The following ANHX variants were observed in gnomAD, a reference collection of about 807,000 sequenced individuals.
ANHX encodes anomalous homeobox, also known as anomalous homeobox protein.
A neutral mutation model predicts 38.9 loss-of-function variants in ANHX; 20 were observed. The ratio of observed to expected loss-of-function variants is 0.51; its 90% CI spans 0.36 to 0.75. The LOEUF is 0.75. Ranked by LOEUF, ANHX falls within the 30% of genes least tolerant of loss-of-function variation. ANHX has a pLI of 0.00. For synonymous variants in ANHX, 185 were observed against 203.1 expected (o/e 0.91, Z 0.76); for missense variants, 475 against 493.1 (o/e 0.96, Z 0.35).
intron 3 of ANHX, among the ~76,000 whole-genome samples, chr12:133,230,053 G>C (rs1957246977): frequency 6.6e-6 from 1 of 152,158 alleles, no homozygotes; most frequent in Non-Finnish European, 1.5e-5. Context: ...AGCCAACCTT[G>C]CACAGCCCTC....
intron 3 of ANHX, 59 bp downstream of exon 3, chr12:133,231,458 G>A: frequency 6.5e-7 from 1 of 1,530,930 alleles, no homozygotes; most frequent in South Asian, 1.2e-5. Flanking sequence ...GCTTTGCATG[G>A]TACATCTAAT....
At chr12:133,232,546 C>T (rs1957297068) in intron 2 of ANHX, among the ~76,000 whole-genome samples, 1 of 152,164 alleles carries the variant, frequency 6.6e-6, no homozygotes, top group Admixed American at 6.5e-5. Context: ...CTTCCCCCTG[C>T]CCTGACGTGG....
intron 3 of ANHX, among the ~76,000 whole-genome samples, chr12:133,230,223 G>T (rs1021534543): frequency 5.3e-5 from 8 of 152,222 alleles, no homozygotes; most frequent in African/African-American, 1.9e-4. Context: ...CAGGCAGGGG[G>T]TGCTTAACAA....
At chr12:133,233,586 C>T (rs975462042) in intron 2 of ANHX, among the ~76,000 whole-genome samples, 4 of 152,152 alleles carry the variant, frequency 2.6e-5, no homozygotes, top group African/African-American at 7.2e-5. Flanking sequence ...ATTTAGGCAG[C>T]AAAACGTACA....
chr12:133,227,747 G>C, intron 4 of ANHX, 77 bp downstream of exon 4: 1 of 1,499,730 alleles, frequency 6.7e-7, no homozygotes, highest in Non-Finnish European at 8.9e-7. Flanking sequence ...TGAGGAGCCT[G>C]GGGTGGGGGT....
chr12:133,232,286 C>G (rs140621162), intron 2 of ANHX, among the ~76,000 whole-genome samples: 5 of 152,244 alleles, frequency 3.3e-5, no homozygotes, highest in African/African-American at 1.2e-4. Flanking sequence ...TCTCCCGTGA[C>G]TCCTGTGTGG....
At chr12:133,234,547 T>C (rs1004811180) in intron 1 of ANHX, 169 bp from the exon 2 acceptor site, 45 of 711,298 alleles carry the variant, frequency 6.3e-5, no homozygotes, top group African/African-American at 1.4e-4. Flanking sequence ...CACCATAGCA[T>C]ACACCCTCTA....
chr12:133,219,241 G>A, intron 9 of ANHX, 42 bp downstream of exon 9: 1 of 1,484,926 alleles, frequency 6.7e-7, no homozygotes, highest in Non-Finnish European at 9.1e-7. Flanking sequence ...GCAGATCCAG[G>A]AGTAAAGAGG....
chr12:133,223,910 G>A (rs1361704919), intron 7 of ANHX, among the ~76,000 whole-genome samples: 1 of 152,154 alleles, frequency 6.6e-6, no homozygotes, highest in Non-Finnish European at 1.5e-5. Context: ...GGGGGGAAAA[G>A]CATTTCAACT....
At position 133,227,109 on chromosome 12, in the gene ANHX, T is replaced by C; in HGVS notation, c.545A>G (p.Tyr182Cys). ...LETSLTPEQV[Y>C]NWFANYRRRQ... ...GCGCCGGTAATTGGCAAACCAGTTG[T>C]ACACCTGCTCAGGGGTCAAGCTCGT... The change falls in exon 5 of 10, where the codon TAC (tyrosine) becomes TGC (cysteine). Residue 182 changes from tyrosine to cysteine, a missense_variant. Physicochemically the swap from Tyr to Cys is radical, Grantham distance 194. Coordinates refer to ENST00000545940, the MANE Select transcript of ANHX (RefSeq NM_001372060.1). The C allele has an allele frequency of 6.5e-7, 1 of 1,536,058 alleles. No individual in the cohort carries two copies. The highest frequency in any genetic ancestry group is 8.7e-7 in the Non-Finnish European group (1 of 1,146,838).
chr12:133,226,974 C>T lies in ANHX; in HGVS notation c.680G>A (p.Arg227His), dbSNP rs1041520136. Residue 227 changes from arginine (R) to histidine (H), a missense_variant, in exon 5 of 10, where the codon CGT (arginine) becomes CAT (histidine). Physicochemically the swap from Arg to His is conservative, Grantham distance 29. Transcript: ENST00000545940. ...PDLLQPSGNP[R>H]VDSGFVDRPQ... is the part of the protein sequence containing the mutation. ...CCTGTCCACAAACCCAGAGTCAACA[C>T]GGGGGTTGCCTGAGGGCTGCAGGAG... 71 of 1,532,970 alleles carry T rather than the reference C, an allele frequency of 4.6e-5. No homozygotes were observed. The highest frequency in any genetic ancestry group is 5.2e-5 in the Non-Finnish European group (60 of 1,145,016). 95.0% of individuals were successfully genotyped at this position (1,532,970 alleles called of 1,614,324 possible).
At chr12:133,225,958 C>T (rs1957183148) in intron 6 of ANHX, among the ~76,000 whole-genome samples, 130 bp from the exon 7 acceptor site, 2 of 152,128 alleles carry the variant, frequency 1.3e-5, no homozygotes, top group South Asian at 4.2e-4. Context: ...CTGGTATTAA[C>T]TCAATGAAAA....
intron 8 of ANHX, among the ~76,000 whole-genome samples, chr12:133,219,898 C>T (rs1349791055): frequency 6.6e-6 from 1 of 152,098 alleles, no homozygotes. Flanking sequence ...CACGCAATGG[C>T]ACGTGGCTCC....
intron 2 of ANHX, 117 bp downstream of exon 2, chr12:133,233,991 T>C: frequency 7.4e-7 from 1 of 1,349,186 alleles, no homozygotes. Flanking sequence ...GGGGTGGGCC[T>C]CTGGCCAGTG....
At chr12:133,220,172 G>T (rs1356844479) in intron 8 of ANHX, among the ~76,000 whole-genome samples, 2 of 151,748 alleles carry the variant, frequency 1.3e-5, no homozygotes, top group Non-Finnish European at 2.9e-5. Flanking sequence ...AAGTCACACT[G>T]AGAAAATTCA....
chr12:133,228,055 CT>C, intron 3 of ANHX, 108 bp from the exon 4 acceptor site: 1 of 1,320,598 alleles, frequency 7.6e-7, no homozygotes, highest in Non-Finnish European at 1.0e-6. Context: ...CCTGTGCCTC[CT>C]CCTGGGGGAT....
chr12:133,231,883 G>A (rs1957283899), intron 2 of ANHX, among the ~76,000 whole-genome samples: 1 of 152,182 alleles, frequency 6.6e-6, no homozygotes, highest in East Asian at 1.9e-4. Context: ...AGGCCTGCCA[G>A]GTCACCTCAT....
rs538061416 is a variant in ANHX at position 133,229,893 on chromosome 12, C to G, written c.377+1624G>C. 2.6e-5 allele frequency among the ~76,000 whole-genome samples: 4 copies of G among 152,294 alleles called. No individual in the cohort carries two copies. In the South Asian group the frequency reaches 8.3e-4, roughly 32 times the overall value. ...ACATACACCCCAAAATACTTCCCAT[C>G]TGCCCCTGAACACCAAGCTTCTCTG... is the stretch of plus-strand genomic sequence containing the variant. On this transcript the variant is annotated intron_variant, in intron 3 of 9. Transcript: ENST00000545940.
At chr12:133,233,792 G>A (rs1194088223) in intron 2 of ANHX, among the ~76,000 whole-genome samples, 1 of 152,170 alleles carries the variant, frequency 6.6e-6, no homozygotes, top group African/African-American at 2.4e-5. Context: ...TAAGATGCTG[G>A]CTCTCCAAAG....
Sources: gnomAD v4.1 joint callset for allele counts (sites outside exome capture counted in the v4.1 genomes callset) on GRCh38, gnomAD v4.1.1 for gene constraint, MANE v1.5 for transcripts, NCBI Gene and HGNC (gene_info 2026-07-23, HGNC 2026-07-21) for gene names.